The following ARSG variants were observed in gnomAD, a reference collection of about 807,000 sequenced individuals.
ARSG encodes the protein arylsulfatase G, also known as ASG.
A neutral mutation model predicts 50.5 loss-of-function variants in ARSG; 37 were observed. The observed-to-expected ratio is 0.73, with a 90% CI of 0.56 to 0.96. The LOEUF is 0.96. ARSG is among the 50% of genes least tolerant of loss of function. The probability of loss-of-function intolerance (pLI) is 0.00; values close to 1 mark genes in which losing one functional copy is unlikely to be tolerated. For missense variants in ARSG, 629 were observed against 675.3 expected, an observed-to-expected ratio of 0.93 and a Z score of 0.76; for synonymous variants, 225 against 254.6, an observed-to-expected ratio of 0.88 and a Z score of 1.11.
intron 2 of ARSG, among the ~76,000 whole-genome samples, chr17:68,308,293 G>T (rs2076686749): frequency 6.6e-6 from 1 of 152,176 alleles, no homozygotes. Flanking sequence ...GAGTGTTACA[G>T]CTCTTAAGGT....
At chr17:68,302,343 C>T (rs73998078) in intron 1 of ARSG, among the ~76,000 whole-genome samples, 6,131 of 152,236 alleles carry the variant, frequency 0.04, 375 homozygotes, top group African/African-American at 0.14. Flanking sequence ...ATGCTTTTGT[C>T]TCTGGAAAAC....
intron 1 of ARSG, chr17:68,274,664 A>T (rs1555750324): frequency 6.6e-6 from 1 of 152,198 alleles, no homozygotes; most frequent in Non-Finnish European, 1.5e-5. Flanking sequence ...TATTGAATTT[A>T]TGTTATTCTA....
At chr17:68,268,610 C>CT (rs199839077) in intron 1 of ARSG, 50 of 143,810 alleles carry the variant, frequency 3.5e-4, no homozygotes, top group African/African-American at 3.6e-4. Context: ...TGATTGAAGT[C>CT]TTTTTTTTTT....
upstream of ARSG, among the ~76,000 whole-genome samples, chr17:68,288,910 A>G (rs1252808916): frequency 6.6e-6 from 1 of 152,198 alleles, no homozygotes; most frequent in Admixed American, 6.5e-5. Context: ...TTTCCAACTT[A>G]CAAAACTCGA....
At chr17:68,434,638 A>T in the ARSG span, 1 of 1,613,914 alleles carries the variant, frequency 6.2e-7, no homozygotes, top group African/African-American at 1.3e-5. Context: ...TGGAAAAGAA[A>T]GCAGGTGGAC....
At chr17:68,415,496 AGTT>A (rs2082309435) in intron 11 of ARSG, among the ~76,000 whole-genome samples, 2 of 152,142 alleles carry the variant, frequency 1.3e-5, no homozygotes, top group African/African-American at 4.8e-5. Flanking sequence ...TGTATTCTGC[AGTT>A]GTTGGTTGGA....
At chr17:68,312,047 G>C (rs1195819112) in intron 2 of ARSG, among the ~76,000 whole-genome samples, 1 of 152,010 alleles carries the variant, frequency 6.6e-6, no homozygotes, top group Non-Finnish European at 1.5e-5. Context: ...TGATCCACTC[G>C]CCTTGGCCTC....
chr17:68,306,227 C>T (rs2076603153), intron 1 of ARSG, among the ~76,000 whole-genome samples: 1 of 151,958 alleles, frequency 6.6e-6, no homozygotes, highest in Non-Finnish European at 1.5e-5. Flanking sequence ...GTCTCAAACT[C>T]CCAACCTCAG....
chr17:68,312,775 C>T (rs1481316170), intron 2 of ARSG, among the ~76,000 whole-genome samples: 1 of 152,138 alleles, frequency 6.6e-6, no homozygotes, highest in African/African-American at 2.4e-5. Flanking sequence ...TGGTTTCTCC[C>T]ACTGCCTACT....
chr17:68,420,939 T>C (rs2147623781), downstream of ARSG: 1 of 160,996 alleles, frequency 6.2e-6, no homozygotes. Context: ...CTCTCTTTTC[T>C]CTTTTTTTCC....
chr17:68,283,331 A>T (rs1039853129), intron 1 of ARSG, among the ~76,000 whole-genome samples: 6 of 151,458 alleles, frequency 4.0e-5, no homozygotes, highest in African/African-American at 1.5e-4. Flanking sequence ...CCATTCTGGC[A>T]AACACGATGA....
chr17:68,375,863 T>C (rs2080118812), intron 8 of ARSG, among the ~76,000 whole-genome samples: 1 of 152,020 alleles, frequency 6.6e-6, no homozygotes, highest in Non-Finnish European at 1.5e-5. Flanking sequence ...GGGGCCAGCG[T>C]TCAACGATCT....
At chr17:68,347,406 T>C (rs1157885894) in intron 4 of ARSG, among the ~76,000 whole-genome samples, 1 of 152,186 alleles carries the variant, frequency 6.6e-6, no homozygotes, top group Non-Finnish European at 1.5e-5. Context: ...CCCTTCCAAC[T>C]GCCCCATCAC....
chr17:68,417,355 T>C (rs1316336647), intron 11 of ARSG, among the ~76,000 whole-genome samples: 1 of 152,224 alleles, frequency 6.6e-6, no homozygotes, highest in Non-Finnish European at 1.5e-5. Flanking sequence ...TAAAAATTAC[T>C]TTTCTCCTAC....
intron 8 of ARSG, among the ~76,000 whole-genome samples, chr17:68,383,914 T>C (rs2080567908): frequency 6.6e-6 from 1 of 152,194 alleles, no homozygotes; most frequent in African/African-American, 2.4e-5. Context: ...GTGTTTTGTT[T>C]CTTACTTCAA....
In ARSG at chr17:68,362,994, G is replaced by A. The variant is rs148210162; in HGVS notation, c.705-5554G>A. On this transcript the variant is annotated intron_variant, in intron 6 of 11. Transcript: ENST00000621439. ...TATCCAGCTCCAGTGATGTGCTGGT[G>A]CTGTGCCAGGGATTCAAACGTGAAT... Among the ~76,000 whole-genome samples the A allele has an allele frequency of 3.1e-4, 47 of 152,292 alleles. No homozygotes were observed. The East Asian group carries it at 8.1e-3, about 26-fold the overall frequency.
intron 11 of ARSG, among the ~76,000 whole-genome samples, chr17:68,418,948 C>A (rs2082568147): frequency 6.6e-6 from 1 of 151,790 alleles, no homozygotes; most frequent in African/African-American, 2.4e-5. Flanking sequence ...TGCTTTAATT[C>A]CCTTTGTTTA....
downstream of ARSG, among the ~76,000 whole-genome samples, chr17:68,426,729 T>G (rs1314196114): frequency 6.6e-6 from 1 of 152,084 alleles, no homozygotes; most frequent in Non-Finnish European, 1.5e-5. Flanking sequence ...GAGATGGGGT[T>G]TCACCATGTT....
chr17:68,314,283 T>A (rs1336589670), intron 2 of ARSG, among the ~76,000 whole-genome samples: 3 of 151,934 alleles, frequency 2.0e-5, no homozygotes, highest in Non-Finnish European at 4.4e-5. Flanking sequence ...TCCCAGCACT[T>A]TGGGAGGCCG....
Sources: allele counts gnomAD v4.1 joint callset (sites outside exome capture counted in the v4.1 genomes callset), GRCh38; gene constraint gnomAD v4.1.1; transcripts MANE v1.5; gene names NCBI Gene and HGNC (gene_info 2026-07-23, HGNC 2026-07-21).